GNAL: variants seen among roughly 807,000 people sequenced by gnomAD.
GNAL encodes the protein G protein subunit alpha L, also known as guanine nucleotide-binding protein G(olf) subunit alpha.
A neutral mutation model predicts 55.1 loss-of-function variants in GNAL; 18 were observed. The observed-to-expected ratio is 0.33, with a 90% CI of 0.23 to 0.48. The LOEUF is 0.48. Among genes scored for constraint, GNAL ranks in the 20% least tolerant of loss-of-function variants. GNAL has a pLI of 0.99. For synonymous variants in GNAL, 253 were observed against 237.0 expected (o/e 1.07, Z -0.62); for missense variants, 412 against 614.1 (o/e 0.67, Z 3.48).
At chr18:11,858,836 A>G (rs1402842317) in intron 5 of GNAL, among the ~76,000 whole-genome samples, 1 of 152,230 alleles carries the variant, frequency 6.6e-6, no homozygotes, top group African/African-American at 2.4e-5. Context: ...TCTGAGAATC[A>G]GAGCTGGAAG....
chr18:11,797,885 T>C (rs558710954), intron 4 of GNAL, among the ~76,000 whole-genome samples: 4 of 152,146 alleles, frequency 2.6e-5, no homozygotes, highest in Admixed American at 2.0e-4. Context: ...ATTGATTCAG[T>C]GTTTTGGGAT....
intron 5 of GNAL, among the ~76,000 whole-genome samples, chr18:11,856,754 C>A (rs997278006): frequency 2.7e-5 from 4 of 148,378 alleles, no homozygotes; most frequent in Non-Finnish European, 4.4e-5. Flanking sequence ...GGTGAAACCC[C>A]GTCTCTACTA....
intron 4 of GNAL, among the ~76,000 whole-genome samples, chr18:11,798,786 G>A (rs1319792117): frequency 1.3e-5 from 2 of 152,090 alleles, no homozygotes; most frequent in African/African-American, 2.4e-5. Flanking sequence ...AAATATGGGT[G>A]CTCAATCACA....
intron 5 of GNAL, 83 bp from the exon 6 acceptor site, chr18:11,862,312 G>A (rs1437060418): frequency 2.9e-6 from 3 of 1,021,792 alleles, no homozygotes; most frequent in African/African-American, 3.1e-5. Context: ...GCTGTACTTG[G>A]GTGATGTCCC....
intron 4 of GNAL, among the ~76,000 whole-genome samples, chr18:11,808,106 A>C (rs1372398272): frequency 6.6e-6 from 1 of 151,436 alleles, no homozygotes; most frequent in Admixed American, 6.6e-5. Flanking sequence ...ACCATGATAA[A>C]TATTTGCTGA....
At chr18:11,848,997 G>A (rs1014714845) in intron 5 of GNAL, among the ~76,000 whole-genome samples, 7 of 152,272 alleles carry the variant, frequency 4.6e-5, no homozygotes, top group Admixed American at 2.6e-4. Context: ...AGCTCTCTGT[G>A]CTTCCTTTTC....
chr18:11,747,797 T>C (rs1440924376), intron 1 of GNAL, among the ~76,000 whole-genome samples: 1 of 152,158 alleles, frequency 6.6e-6, no homozygotes, highest in African/African-American at 2.4e-5. Flanking sequence ...TTTACTTTTG[T>C]GCCTTTCAAA....
intron 1 of GNAL, among the ~76,000 whole-genome samples, chr18:11,736,518 G>A (rs149874397): frequency 1.7e-4 from 26 of 152,290 alleles, no homozygotes; most frequent in African/African-American, 5.8e-4. Flanking sequence ...CAGTTGTTCT[G>A]AAAGATTTGT....
intron 4 of GNAL, among the ~76,000 whole-genome samples, chr18:11,812,138 A>G (rs1006279723): frequency 7.9e-5 from 12 of 152,228 alleles, no homozygotes; most frequent in African/African-American, 2.9e-4. Flanking sequence ...AAAATACTTG[A>G]GGAAAATTCT....
intron 1 of GNAL, among the ~76,000 whole-genome samples, chr18:11,710,870 G>A (rs909450976): frequency 4.6e-5 from 7 of 151,888 alleles, no homozygotes; most frequent in African/African-American, 1.5e-4. Flanking sequence ...AGTATGAACT[G>A]TTTTGTTTTG....
chr18:11,838,942 G>C (rs1365473331), intron 5 of GNAL, among the ~76,000 whole-genome samples: 2 of 152,146 alleles, frequency 1.3e-5, no homozygotes, highest in Non-Finnish European at 2.9e-5. Flanking sequence ...ATAGGATTTG[G>C]AGTTGTTCTT....
intron 1 of GNAL, among the ~76,000 whole-genome samples, chr18:11,745,249 C>G (rs772403446): frequency 2.0e-5 from 3 of 152,102 alleles, no homozygotes; most frequent in African/African-American, 7.2e-5. Context: ...TGAATTTTTT[C>G]ATCCTTTCAT....
intron 5 of GNAL, among the ~76,000 whole-genome samples, chr18:11,841,164 G>A (rs944976063): frequency 2.6e-5 from 4 of 151,826 alleles, no homozygotes; most frequent in African/African-American, 9.7e-5. Flanking sequence ...ATGAACCACC[G>A]CACCCAGCCT....
chr18:11,743,973 A>G (rs1179458843), intron 1 of GNAL, among the ~76,000 whole-genome samples: 1 of 151,850 alleles, frequency 6.6e-6, no homozygotes, highest in Non-Finnish European at 1.5e-5. Context: ...AGTTCATTCT[A>G]TTTGCAGGTT....
intron 5 of GNAL, chr18:11,852,882 C>T (rs2035913838): frequency 6.0e-6 from 1 of 166,908 alleles, no homozygotes; most frequent in African/African-American, 2.4e-5. Flanking sequence ...TTTAAAAAGA[C>T]TTAGTGTGAC....
At chr18:11,788,936 TACAC>T (rs1555650657) in intron 4 of GNAL, among the ~76,000 whole-genome samples, 1 of 128,894 alleles carries the variant, frequency 7.8e-6, no homozygotes, top group African/African-American at 3.2e-5. Context: ...TATATATATA[TACAC>T]ATATATATCA....
Position 11,752,914 on chromosome 18 carries a change from G to C in GNAL, c.438G>C (p.Gly146=). The part of the protein sequence containing the change: ...VKQMRILHVN[G]FNPEEKKQKI... ...AGATGAGGATCCTGCACGTCAATGGGTTTAATCCCGAGTAAGAATGTTCAG... is the reference window on the plus strand; with the variant it reads ...AGATGAGGATCCTGCACGTCAATGGCTTTAATCCCGAGTAAGAATGTTCAG... The change falls in exon 2 of 12, where the codon GGG becomes GGC. Residue 146 remains glycine, a synonymous_variant. Transcript: ENST00000334049. The surrounding 1 kb of genome is among the most constrained non-coding windows in gnomAD (Gnocchi z 4.5). The C allele has an allele frequency of 6.3e-7, 1 of 1,595,236 alleles. No individual in the cohort carries two copies. The highest frequency in any genetic ancestry group is 8.6e-7 in the Non-Finnish European group (1 of 1,162,938).
At chr18:11,862,310 T>A (rs750737750) in intron 5 of GNAL, 85 bp from the exon 6 acceptor site, 1 of 1,002,222 alleles carries the variant, frequency 1.0e-6, no homozygotes, top group Admixed American at 1.8e-5. Context: ...TTGCTGTACT[T>A]GGGTGATGTC....
intron 1 of GNAL, among the ~76,000 whole-genome samples, chr18:11,737,916 C>T (rs1362858879): frequency 6.6e-6 from 1 of 152,204 alleles, no homozygotes; most frequent in African/African-American, 2.4e-5. Context: ...TGCCATTCCC[C>T]CTGCACCCAC....
Sources: allele counts gnomAD v4.1 joint callset (sites outside exome capture counted in the v4.1 genomes callset), GRCh38; gene constraint gnomAD v4.1.1; non-coding constraint Gnocchi (gnomAD v3.1); transcripts MANE v1.5; gene names NCBI Gene and HGNC (gene_info 2026-07-23, HGNC 2026-07-21).